The following XRCC4 variants were observed in gnomAD, a reference collection of about 807,000 sequenced individuals.
XRCC4 encodes the protein X-ray repair cross complementing 4, also known as DNA repair protein XRCC4.
A neutral mutation model predicts 39.1 loss-of-function variants in XRCC4; 28 were observed. That is an observed-to-expected ratio of 0.72 (90% CI 0.53 to 0.98). The LOEUF is 0.98. Ranked by LOEUF, XRCC4 falls within the 50% of genes least tolerant of loss-of-function variation. The pLI, the probability that XRCC4 is intolerant of heterozygous loss-of-function variation, is 0.00. For missense variants in XRCC4, 350 were observed against 376.4 expected, an observed-to-expected ratio of 0.93 and a Z score of 0.58; for synonymous variants, 123 against 126.4, an observed-to-expected ratio of 0.97 and a Z score of 0.18.
At chr5:83,227,083 G>A (rs531674484) in intron 6 of XRCC4, among the ~76,000 whole-genome samples, 1 of 151,764 alleles carries the variant, frequency 6.6e-6, no homozygotes, top group Non-Finnish European at 1.5e-5. Context: ...CTGTGCTTTA[G>A]GCTAAATATT....
At chr5:83,137,958 C>T (rs1319305845) in intron 3 of XRCC4, among the ~76,000 whole-genome samples, 3 of 152,166 alleles carry the variant, frequency 2.0e-5, no homozygotes, top group Non-Finnish European at 4.4e-5. Context: ...GTGGACAGAA[C>T]ATAGTATCTA....
intron 3 of XRCC4, among the ~76,000 whole-genome samples, chr5:83,166,765 C>T (rs1749498757): frequency 6.6e-6 from 1 of 152,024 alleles, no homozygotes; most frequent in Admixed American, 6.6e-5. Flanking sequence ...GCGTGAGCCA[C>T]CGTGCTTGGC....
chr5:83,360,739 C>A, the XRCC4 span, among the ~76,000 whole-genome samples: 2 of 151,898 alleles, frequency 1.3e-5, no homozygotes, highest in African/African-American at 4.8e-5. Context: ...GAGCCACGCC[C>A]ACTCCCCTGA....
At chr5:83,240,424 C>G (rs1354650512) in intron 6 of XRCC4, among the ~76,000 whole-genome samples, 2 of 152,028 alleles carry the variant, frequency 1.3e-5, no homozygotes, top group East Asian at 3.9e-4. Flanking sequence ...AAACAGTATC[C>G]TCAGAAATAG....
chr5:83,328,399 T>C (rs1561477773), intron 7 of XRCC4, among the ~76,000 whole-genome samples: 1 of 152,128 alleles, frequency 6.6e-6, no homozygotes, highest in Non-Finnish European at 1.5e-5. Flanking sequence ...ATACTTTGAA[T>C]TAATAAGAAT....
At chr5:83,273,949 T>G (rs928420528) in intron 7 of XRCC4, among the ~76,000 whole-genome samples, 1 of 152,084 alleles carries the variant, frequency 6.6e-6, no homozygotes, top group African/African-American at 2.4e-5. Context: ...ATTCCTGAGT[T>G]ATCACTACTT....
chr5:83,261,558 G>A (rs2112904459), intron 7 of XRCC4, among the ~76,000 whole-genome samples: 1 of 149,134 alleles, frequency 6.7e-6, no homozygotes. Context: ...TGCAACTCAA[G>A]AAAAAAGAAA....
chr5:83,217,359 A>AAAC (rs1554065829), intron 6 of XRCC4, among the ~76,000 whole-genome samples: 1 of 23,194 alleles, frequency 4.3e-5, no homozygotes, highest in Non-Finnish European at 8.4e-5. Context: ...ACTCCGTCTC[A>AAAC]AAAAAAAAAA....
chr5:83,160,634 A>G (rs934510060), intron 3 of XRCC4, among the ~76,000 whole-genome samples: 1 of 152,202 alleles, frequency 6.6e-6, no homozygotes, highest in African/African-American at 2.4e-5. Context: ...CTTACTTCGG[A>G]AAATATTCTT....
At chr5:83,154,611 G>A (rs1476753675) in intron 3 of XRCC4, among the ~76,000 whole-genome samples, 4 of 151,986 alleles carry the variant, frequency 2.6e-5, no homozygotes, top group Non-Finnish European at 5.9e-5. Flanking sequence ...GAGTCTTTCT[G>A]GTTTTTCTTT....
intron 6 of XRCC4, among the ~76,000 whole-genome samples, chr5:83,238,750 C>A (rs981355902): frequency 1.3e-5 from 2 of 151,828 alleles, no homozygotes; most frequent in Admixed American, 1.3e-4. Flanking sequence ...AAGGTTGGGT[C>A]CTTTTAGCTA....
At chr5:83,271,757 A>G (rs1429319300) in intron 7 of XRCC4, among the ~76,000 whole-genome samples, 1 of 152,172 alleles carries the variant, frequency 6.6e-6, no homozygotes, top group Non-Finnish European at 1.5e-5. Context: ...GAGAAAAGGG[A>G]ACAATTTAAA....
intron 6 of XRCC4, among the ~76,000 whole-genome samples, chr5:83,222,467 A>G (rs1467170000): frequency 2.0e-5 from 3 of 152,250 alleles, no homozygotes; most frequent in Non-Finnish European, 4.4e-5. Flanking sequence ...AGCATTATGT[A>G]TATCTGTCCA....
At chr5:83,194,265 C>T (rs1055876522) in intron 3 of XRCC4, among the ~76,000 whole-genome samples, 1 of 152,172 alleles carries the variant, frequency 6.6e-6, no homozygotes, top group Admixed American at 6.6e-5. Context: ...TTTTCTTTAA[C>T]TTTGTGTGTA....
chr5:83,333,808 C>G (rs962770300), intron 7 of XRCC4, among the ~76,000 whole-genome samples: 3 of 148,488 alleles, frequency 2.0e-5, no homozygotes, highest in South Asian at 4.2e-4. Context: ...CTTGCTCTGT[C>G]GCCAAGGCTG....
rs139591270 is a variant in XRCC4, at chr5:83,079,776, C to G, written c.-11+2161C>G. On this transcript the variant is annotated intron_variant, in intron 1 of 7. Transcript: ENST00000396027. ...CTCAAACTCCTGGGCTCAAGTGATC[C>G]TCCCGCCTCGGCCTCCCAAAGTGCT... Among the ~76,000 whole-genome samples, 216 of 152,226 alleles carry G rather than the reference C, an allele frequency of 1.4e-3. 1 individual carries two copies. Among genetic ancestry groups the G allele is most frequent in the African/African-American group, 4.8e-3 (198 of 41,520 alleles).
At chr5:83,219,970 A>G (rs1752017995) in intron 6 of XRCC4, among the ~76,000 whole-genome samples, 1 of 152,132 alleles carries the variant, frequency 6.6e-6, no homozygotes, top group South Asian at 2.1e-4. Context: ...TGGTTCTAGA[A>G]TAGATTTATA....
intron 7 of XRCC4, among the ~76,000 whole-genome samples, chr5:83,280,868 G>A (rs67764931): frequency 0.14 from 21,428 of 152,102 alleles, 2,935 homozygotes; most frequent in African/African-American, 0.36. Context: ...AGTATGAGGG[G>A]CTTTATTCAT....
chr5:83,118,075 CA>C (rs1561339068), intron 3 of XRCC4, among the ~76,000 whole-genome samples: 1 of 128,790 alleles, frequency 7.8e-6, no homozygotes, highest in Non-Finnish European at 1.6e-5. Flanking sequence ...CACACACACA[CA>C]CATATGTATA....
Sources: gnomAD v4.1 joint callset for allele counts (sites outside exome capture counted in the v4.1 genomes callset) on GRCh38, gnomAD v4.1.1 for gene constraint, MANE v1.5 for transcripts, NCBI Gene and HGNC (gene_info 2026-07-23, HGNC 2026-07-21) for gene names.